Variants in RPS6KA2 observed in about 807,000 individuals in gnomAD.
The protein encoded by RPS6KA2 is ribosomal protein S6 kinase alpha-2.
A neutral mutation model predicts 91.8 loss-of-function variants in RPS6KA2; 42 were observed. That is an observed-to-expected ratio of 0.46 (90% confidence interval 0.36 to 0.59). The LOEUF (loss-of-function observed/expected upper bound fraction) is 0.59. Among genes scored for constraint, RPS6KA2 ranks in the 20% least tolerant of loss-of-function variants. RPS6KA2 has a pLI of 0.00. For synonymous variants in RPS6KA2, 414 were observed against 393.6 expected, an observed-to-expected ratio of 1.05 and a Z score of -0.61; for missense variants, 798 against 978.5, an observed-to-expected ratio of 0.82 and a Z score of 2.46.
chr6:166,833,877 C>CTTT (rs1780249522), intron 2 of RPS6KA2, among the ~76,000 whole-genome samples: 1 of 151,728 alleles, frequency 6.6e-6, no homozygotes, highest in Non-Finnish European at 1.5e-5. Context: ...GCATAAATTC[C>CTTT]TTTTCTTCTT....
intron 2 of RPS6KA2, among the ~76,000 whole-genome samples, chr6:166,831,805 G>C (rs116280710): frequency 0.014 from 2,117 of 150,984 alleles, 57 homozygotes; most frequent in African/African-American, 0.049. Context: ...ATAGATGATA[G>C]ATAGATAGAT....
intron 2 of RPS6KA2, among the ~76,000 whole-genome samples, chr6:166,769,637 G>T (rs1032241944): frequency 1.3e-5 from 2 of 152,142 alleles, no homozygotes; most frequent in Admixed American, 6.5e-5. Flanking sequence ...TGCAAAATGC[G>T]TTCAGACCCA....
chr6:166,571,384 C>G (rs1784682179), intron 1 of RPS6KA2, among the ~76,000 whole-genome samples: 1 of 152,196 alleles, frequency 6.6e-6, no homozygotes, highest in Non-Finnish European at 1.5e-5. Context: ...ACCCTAAAAG[C>G]AACAGCAGAA....
At position 166,684,687 on chromosome 6, in the gene RPS6KA2, C is replaced by T. The variant is rs145377697; in HGVS notation, c.124-145903G>A. 2.8e-4 allele frequency among the ~76,000 whole-genome samples: 42 copies of T among 152,262 alleles called. No homozygotes were observed. The East Asian group carries it at 7.0e-3, about 25-fold the overall frequency. Reference sequence around the variant, plus strand: ...CTCTGCCCCAGAGGCCCCAGGAATCCGGCAGATGCCGTTGGATGTATCCAC... The same window carrying T: ...CTCTGCCCCAGAGGCCCCAGGAATCTGGCAGATGCCGTTGGATGTATCCAC... On this transcript the variant is annotated intron_variant, in intron 2 of 21. Coordinates refer to the RPS6KA2 transcript ENST00000503859.
chr6:166,710,949 C>G (rs147016276), intron 2 of RPS6KA2, among the ~76,000 whole-genome samples: 5 of 152,306 alleles, frequency 3.3e-5, no homozygotes, highest in African/African-American at 1.2e-4. Flanking sequence ...ATGATAACTG[C>G]TCTACTTTAG....
chr6:166,843,007 C>T (rs1444027007), intron 2 of RPS6KA2, among the ~76,000 whole-genome samples: 2 of 152,180 alleles, frequency 1.3e-5, no homozygotes, highest in Non-Finnish European at 2.9e-5. Flanking sequence ...GCCCAGGTCA[C>T]CGGCTGCCTA....
At position 166,677,557 on chromosome 6, in the gene RPS6KA2, G is replaced by A. The variant is rs181235426; in HGVS notation, c.124-138773C>T. On this transcript the variant is annotated intron_variant, in intron 2 of 21. Coordinates refer to the RPS6KA2 transcript ENST00000503859. ...TGTATTTTTAGTAGAGACAAGGCCA[G>A]GCTGGTCTCAAATTCCTGGCCTCAA... Among the ~76,000 whole-genome samples, 363 of 152,166 alleles carry A rather than the reference G, an allele frequency of 2.4e-3. 2 individuals carry two copies. Among genetic ancestry groups the A allele is most frequent in the Non-Finnish European group, 3.8e-3 (258 of 67,992 alleles).
chr6:166,790,949 C>A (rs1409670351), intron 2 of RPS6KA2, among the ~76,000 whole-genome samples: 3 of 152,204 alleles, frequency 2.0e-5, no homozygotes, highest in Admixed American at 6.5e-5. Context: ...GAAGAAACTA[C>A]ATCAACTAAC....
chr6:166,413,960 G>A lies in RPS6KA2; in HGVS notation c.1939-29C>T, dbSNP rs577310220. On this transcript the variant is annotated intron_variant, in intron 19 of 20. Transcript: ENST00000265678. ...CCAGGGAAGGTCATGAGAGTCGGGGGGATGGTTGGATCATTTGTGCTGGGT... is the reference window on the plus strand; with the variant it reads ...CCAGGGAAGGTCATGAGAGTCGGGGAGATGGTTGGATCATTTGTGCTGGGT... The A allele has an allele frequency of 5.0e-5, 80 of 1,607,686 alleles. No individual in the cohort carries two copies. The African/African-American group carries it at 7.6e-4, about 15-fold the overall frequency.
chr6:166,549,152 TA>T (rs926267218), intron 1 of RPS6KA2, among the ~76,000 whole-genome samples: 1 of 152,044 alleles, frequency 6.6e-6, no homozygotes, highest in African/African-American at 2.4e-5. Flanking sequence ...ATTGCTAAAA[TA>T]AAAAAATAGT....
chr6:166,641,876 G>C (rs1345838574), intron 2 of RPS6KA2, among the ~76,000 whole-genome samples: 2 of 151,476 alleles, frequency 1.3e-5, no homozygotes, highest in Non-Finnish European at 2.9e-5. Flanking sequence ...AAATATGAAA[G>C]GGGGGTTAGG....
intron 2 of RPS6KA2, among the ~76,000 whole-genome samples, chr6:166,647,337 T>C (rs963554455): frequency 2.0e-5 from 3 of 152,146 alleles, no homozygotes; most frequent in African/African-American, 7.2e-5. Context: ...CTCGTCCCCA[T>C]GGCCGCAATG....
intron 2 of RPS6KA2, among the ~76,000 whole-genome samples, chr6:166,779,801 C>A (rs917750614): frequency 6.6e-6 from 1 of 152,074 alleles, no homozygotes. Flanking sequence ...GAAGTGAGGG[C>A]GGCCAAGAGA....
chr6:166,663,800 G>A (rs1476401188), intron 2 of RPS6KA2, among the ~76,000 whole-genome samples: 1 of 152,198 alleles, frequency 6.6e-6, no homozygotes, highest in East Asian at 1.9e-4. Flanking sequence ...CTTCGGCGCT[G>A]CACCCACCTG....
chr6:166,431,273 CA>C (rs373512017), intron 15 of RPS6KA2, among the ~76,000 whole-genome samples: 92 of 152,308 alleles, frequency 6.0e-4, no homozygotes, highest in African/African-American at 2.1e-3. Flanking sequence ...GTTGGCAAAC[CA>C]CCTTGCAAGA....
intron 3 of RPS6KA2, among the ~76,000 whole-genome samples, chr6:166,526,433 G>A (rs1481610316): frequency 6.8e-6 from 1 of 146,424 alleles, no homozygotes; most frequent in Non-Finnish European, 1.5e-5. Flanking sequence ...GAAGCCTTGA[G>A]ATCTTGGGCT....
intron 10 of RPS6KA2, among the ~76,000 whole-genome samples, chr6:166,487,809 G>A (rs1781460466): frequency 1.3e-5 from 2 of 152,074 alleles, no homozygotes; most frequent in South Asian, 4.1e-4. Context: ...TTTTTTCTAA[G>A]ATCACAGTTA....
At position 166,486,723 on chromosome 6, in the gene RPS6KA2, G is replaced by A. The variant is rs535317763; in HGVS notation, c.907+2110C>T. On this transcript the variant is annotated intron_variant, in intron 10 of 20. Coordinates refer to ENST00000265678, the MANE Select transcript of RPS6KA2 (RefSeq NM_021135.6). ...CTGTGGTGTGGGTGGCACGGGCTCC[G>A]CTGCGGGGTGAGTCTACACTCTCCA... is the stretch of plus-strand genomic sequence containing the variant. Among the ~76,000 whole-genome samples, 11 of 152,286 alleles carry A rather than the reference G, an allele frequency of 7.2e-5. No homozygotes were observed. The South Asian group carries it at 1.2e-3, about 17-fold the overall frequency.
chr6:166,503,489 G>C (rs1177130730), intron 6 of RPS6KA2, among the ~76,000 whole-genome samples: 1 of 152,264 alleles, frequency 6.6e-6, no homozygotes, highest in East Asian at 1.9e-4. Context: ...AGACCCCAGG[G>C]CCCCCCCTTG....
Sources: allele counts gnomAD v4.1 joint callset (sites outside exome capture counted in the v4.1 genomes callset), GRCh38; gene constraint gnomAD v4.1.1; transcripts MANE v1.5; gene names NCBI Gene and HGNC (gene_info 2026-07-23, HGNC 2026-07-21).